The following NSMCE2 variants were observed in gnomAD, a reference collection of about 807,000 sequenced individuals.
NSMCE2 encodes the protein NSE2 SUMO ligase component of SMC5/6 complex, also known as E3 SUMO-protein ligase NSE2.
In NSMCE2, 24 loss-of-function variants were observed where a neutral mutation model predicts 23.8. The ratio of observed to expected loss-of-function variants is 1.01; its 90% CI spans 0.73 to 1.42. NSMCE2 has a LOEUF of 1.42. Ranked by LOEUF, NSMCE2 falls within the 40% of genes most tolerant of loss-of-function variation. The probability of loss-of-function intolerance (pLI) is 0.00; values close to 1 mark genes in which losing one functional copy is unlikely to be tolerated. For missense variants in NSMCE2, 284 were observed against 296.5 expected (o/e 0.96, Z 0.31); for synonymous variants, 92 against 94.1 (o/e 0.98, Z 0.13).
chr8:125,297,127 T>C (rs1828362036), intron 5 of NSMCE2, among the ~76,000 whole-genome samples: 2 of 152,204 alleles, frequency 1.3e-5, no homozygotes, highest in Admixed American at 1.3e-4. Flanking sequence ...ATCTCTGTCA[T>C]AATCACACAC....
intron 4 of NSMCE2, among the ~76,000 whole-genome samples, chr8:125,170,457 G>C (rs1169008889): frequency 7.6e-6 from 1 of 131,168 alleles, no homozygotes; most frequent in African/African-American, 2.8e-5. Flanking sequence ...GCAGGCTGGA[G>C]TGCAAATGGC....
rs35334691 is a variant in NSMCE2 at position 125,298,687 on chromosome 8, G to GTT, written c.419-58524_419-58523dup. On this transcript the variant is annotated intron_variant, in intron 5 of 7. Coordinates refer to ENST00000287437, the MANE Select transcript of NSMCE2 (RefSeq NM_173685.4). ...GATTGCATATCAAATTCATCTGTGGGTTTTTTTTTGTTTTTTTTTTTTTTT... is the reference window on the plus strand; with the variant it reads ...GATTGCATATCAAATTCATCTGTGGGTTTTTTTTTTTGTTTTTTTTTTTTTTT... Among the ~76,000 whole-genome samples the GTT allele has an allele frequency of 1.8e-3, 151 of 85,864 alleles. 9 individuals carry two copies. Among genetic ancestry groups the GTT allele is most frequent in the Non-Finnish European group, 2.4e-3 (109 of 44,800 alleles). The allele number at this position is 85,864 out of a possible 152,430, so 56.3% of individuals were successfully genotyped here. A position where few individuals can be genotyped will look rare whatever the true frequency, so the allele number is the denominator to read the frequency against.
At chr8:125,099,912 G>GTTC (rs1247565299) in intron 1 of NSMCE2, among the ~76,000 whole-genome samples, 1 of 152,106 alleles carries the variant, frequency 6.6e-6, no homozygotes, top group East Asian at 1.9e-4. Context: ...GTTTGCTGAA[G>GTTC]GGAATGATTC....
chr8:125,158,950 C>T (rs79171288), intron 4 of NSMCE2, among the ~76,000 whole-genome samples: 2 of 152,172 alleles, frequency 1.3e-5, no homozygotes, highest in Admixed American at 1.3e-4. Context: ...GTTTCACTTT[C>T]CACTGTTTCA....
chr8:125,102,623 A>G lies in NSMCE2; in HGVS notation c.157+136A>G, dbSNP rs149901620. On this transcript the variant is annotated intron_variant, in intron 3 of 7. Coordinates refer to ENST00000287437, the MANE Select transcript of NSMCE2 (RefSeq NM_173685.4). Reference sequence around the variant, plus strand: ...GGCATCTGTTGTCTCATTTTATTCTACACACCGCAGCAGGGTACTGAGGGT... The same window carrying G: ...GGCATCTGTTGTCTCATTTTATTCTGCACACCGCAGCAGGGTACTGAGGGT... The G allele has an allele frequency of 6.4e-5, 43 of 672,404 alleles. No individual in the cohort carries two copies. The East Asian group carries it at 1.0e-3, about 16-fold the overall frequency. 41.7% of individuals were successfully genotyped at this position (672,404 alleles called of 1,614,324 possible). A position where few individuals can be genotyped will look rare whatever the true frequency, so the allele number is the denominator to read the frequency against.
chr8:125,285,721 G>A (rs1827863098), intron 5 of NSMCE2, among the ~76,000 whole-genome samples: 3 of 151,296 alleles, frequency 2.0e-5, no homozygotes, highest in Admixed American at 1.3e-4. Flanking sequence ...CATTTATTGA[G>A]CACCTACAGT....
At chr8:125,356,935 G>C (rs1000322463) in intron 5 of NSMCE2, among the ~76,000 whole-genome samples, 1 of 152,146 alleles carries the variant, frequency 6.6e-6, no homozygotes, top group African/African-American at 2.4e-5. Context: ...GAGATCACCA[G>C]GTCGGTTCTC....
intron 3 of NSMCE2, among the ~76,000 whole-genome samples, chr8:125,144,169 C>T (rs1039725787): frequency 2.6e-5 from 4 of 152,188 alleles, no homozygotes; most frequent in African/African-American, 9.7e-5. Context: ...TGTTTCATCT[C>T]TGCTTCCCAA....
intron 1 of NSMCE2, among the ~76,000 whole-genome samples, chr8:125,097,787 A>G (rs1818005705): frequency 6.6e-6 from 1 of 152,202 alleles, no homozygotes; most frequent in Non-Finnish European, 1.5e-5. Context: ...CAAATAGTTA[A>G]GGTTATATGA....
At chr8:125,258,421 T>C (rs1813772561) in intron 5 of NSMCE2, among the ~76,000 whole-genome samples, 1 of 152,162 alleles carries the variant, frequency 6.6e-6, no homozygotes. Context: ...AGGGCTTTTA[T>C]TCAAGGGAAT....
chr8:125,344,010 AAAC>A (rs1472059927), intron 5 of NSMCE2, among the ~76,000 whole-genome samples: 1 of 152,190 alleles, frequency 6.6e-6, no homozygotes, highest in African/African-American at 2.4e-5. Flanking sequence ...CATCTCAAAC[AAAC>A]AACAAAAAAA....
chr8:125,108,540 T>C (rs1033753587), intron 3 of NSMCE2, among the ~76,000 whole-genome samples: 2 of 152,212 alleles, frequency 1.3e-5, no homozygotes, highest in African/African-American at 4.8e-5. Flanking sequence ...TTCTTATCTG[T>C]GAAATAGGAT....
chr8:125,223,878 C>G (rs1300637627), intron 5 of NSMCE2, among the ~76,000 whole-genome samples: 1 of 138,730 alleles, frequency 7.2e-6, no homozygotes, highest in African/African-American at 2.7e-5. Context: ...GTGGCGCAAT[C>G]ATAGCTCCAC....
chr8:125,102,522 T>G, intron 3 of NSMCE2, 35 bp downstream of exon 3: 3 of 1,563,522 alleles, frequency 1.9e-6, no homozygotes, highest in Admixed American at 3.3e-5. Flanking sequence ...GTGTCTACTT[T>G]GAGGTAACAC....
At chr8:125,265,936 T>A (rs1220841203) in intron 5 of NSMCE2, among the ~76,000 whole-genome samples, 1 of 152,166 alleles carries the variant, frequency 6.6e-6, no homozygotes, top group African/African-American at 2.4e-5. Flanking sequence ...TCTATTACTT[T>A]AAGTTATTTG....
chr8:125,282,869 T>C (rs548789070), intron 5 of NSMCE2, among the ~76,000 whole-genome samples: 1 of 152,314 alleles, frequency 6.6e-6, no homozygotes, highest in African/African-American at 2.4e-5. Flanking sequence ...TGGACTCCAC[T>C]TGAAAATATT....
chr8:125,123,498 C>T (rs191247216), intron 3 of NSMCE2, among the ~76,000 whole-genome samples: 24 of 152,336 alleles, frequency 1.6e-4, no homozygotes, highest in Admixed American at 7.8e-4. Context: ...AGAGCTAAAG[C>T]TCGAAGGGTT....
At chr8:125,288,777 A>G (rs1348087290) in intron 5 of NSMCE2, among the ~76,000 whole-genome samples, 2 of 151,870 alleles carry the variant, frequency 1.3e-5, no homozygotes, top group Non-Finnish European at 2.9e-5. Flanking sequence ...TCTTTTCCCC[A>G]GTCTTTATTT....
At chr8:125,192,593 A>G (rs1314975953) in intron 5 of NSMCE2, among the ~76,000 whole-genome samples, 2 of 152,230 alleles carry the variant, frequency 1.3e-5, no homozygotes, top group Non-Finnish European at 2.9e-5. Context: ...TTGGTGAACA[A>G]CATTTGAAAT....
Sources: allele counts gnomAD v4.1 joint callset (sites outside exome capture counted in the v4.1 genomes callset), GRCh38; gene constraint gnomAD v4.1.1; transcripts MANE v1.5; gene names NCBI Gene and HGNC (gene_info 2026-07-23, HGNC 2026-07-21).